The following USP4 variants were observed in gnomAD, a reference collection of about 807,000 sequenced individuals.
USP4 encodes the protein ubiquitin specific peptidase 4, also known as ubiquitin carboxyl-terminal hydrolase 4.
USP4 carries 72 observed loss-of-function variants against 118.2 expected under a neutral mutation model. That is an observed-to-expected ratio of 0.61 (90% CI 0.50 to 0.74). The LOEUF is 0.74. Ranked by LOEUF, USP4 falls within the 30% of genes least tolerant of loss-of-function variation. USP4 has a pLI of 0.00. For synonymous variants in USP4, 415 were observed against 440.4 expected (o/e 0.94, Z 0.72); for missense variants, 1,037 against 1,185.7 (o/e 0.87, Z 1.84).
Position 49,284,510 on chromosome 3 carries a change from G to T in USP4, c.2346C>A (p.Ile782=). The stretch of plus-strand genomic sequence containing the variant: ...GGGTCTCCATGGTGGTGAAGAGCTC[G>T]ATGCAGTCTCTCAGGGCCACTGTGG... ...KKTTVALRDC[I]ELFTTMETLG... The change falls in exon 18 of 22, where the codon ATC becomes ATA. Residue 782 remains isoleucine, a synonymous_variant. Coordinates refer to ENST00000265560, the MANE Select transcript of USP4 (RefSeq NM_003363.4). 6.2e-7 allele frequency: 1 copy of T among 1,614,156 alleles called. No homozygotes were observed. Among genetic ancestry groups the T allele is most frequent in the Non-Finnish European group, 8.5e-7 (1 of 1,180,034 alleles).
At chr3:49,339,806 A>T in intron 1 of USP4, 118 bp downstream of exon 1, 1 of 731,386 alleles carries the variant, frequency 1.4e-6, no homozygotes, top group Non-Finnish European at 2.2e-6. Context: ...GTGTCAGGCT[A>T]CTCTTCCAGG....
At chr3:49,337,961 G>A (rs1238723663) in intron 1 of USP4, among the ~76,000 whole-genome samples, 1 of 143,312 alleles carries the variant, frequency 7.0e-6, no homozygotes, top group African/African-American at 2.6e-5. Flanking sequence ...CAGGAGAATC[G>A]CTTGAACCCG....
At chr3:49,317,347 T>C in intron 6 of USP4, 2 of 1,235,452 alleles carry the variant, frequency 1.6e-6, no homozygotes. Flanking sequence ...CCGCTGTTTC[T>C]TGTCCTCCTC....
chr3:49,337,770 G>A (rs985552883), intron 1 of USP4, among the ~76,000 whole-genome samples: 2 of 151,446 alleles, frequency 1.3e-5, no homozygotes, highest in Admixed American at 1.3e-4. Context: ...TGTGCTGGCC[G>A]GGAGCGGTGG....
intron 2 of USP4, among the ~76,000 whole-genome samples, chr3:49,329,087 G>T (rs997815342): frequency 5.3e-5 from 8 of 151,596 alleles, no homozygotes; most frequent in Middle Eastern, 3.2e-3. Flanking sequence ...TGAGGCAGGA[G>T]AATTGTTTGA....
intron 13 of USP4, among the ~76,000 whole-genome samples, chr3:49,295,714 GCACA>G (rs1553624012): frequency 7.4e-5 from 11 of 148,320 alleles, no homozygotes; most frequent in Non-Finnish European, 1.6e-4. Flanking sequence ...GCGCGCGCGC[GCACA>G]CACACACACA....
chr3:49,329,479 C>A (rs1192101509), intron 2 of USP4, among the ~76,000 whole-genome samples: 1 of 152,164 alleles, frequency 6.6e-6, no homozygotes, highest in East Asian at 1.9e-4. Context: ...CAGCTCACTG[C>A]AGCTTCGACC....
At chr3:49,338,044 CAAAAAAAA>C (rs57186354) in intron 1 of USP4, among the ~76,000 whole-genome samples, 7 of 52,082 alleles carry the variant, frequency 1.3e-4, no homozygotes, top group Middle Eastern at 0.016. Flanking sequence ...GACTTCGTCT[CAAAAAAAA>C]AAAAAAAAAA....
At chr3:49,332,241 C>G (rs1331210882) in intron 2 of USP4, among the ~76,000 whole-genome samples, 4 of 152,020 alleles carry the variant, frequency 2.6e-5, no homozygotes, top group Non-Finnish European at 5.9e-5. Flanking sequence ...TGTGCCATTG[C>G]ACTTCAGCCT....
At chr3:49,288,179 C>T (rs2047119517) in intron 15 of USP4, among the ~76,000 whole-genome samples, 1 of 152,182 alleles carries the variant, frequency 6.6e-6, no homozygotes, top group Non-Finnish European at 1.5e-5. Flanking sequence ...AAGCCTGTCC[C>T]CCTCCTACAC....
chr3:49,323,054 G>A (rs547062156), intron 6 of USP4, among the ~76,000 whole-genome samples: 7 of 150,462 alleles, frequency 4.7e-5, no homozygotes, highest in African/African-American at 7.3e-5. Flanking sequence ...TGCAACCTCC[G>A]CCTCCCGGGT....
intron 9 of USP4, among the ~76,000 whole-genome samples, chr3:49,304,249 T>C (rs1480980136): frequency 1.3e-5 from 2 of 152,202 alleles, no homozygotes; most frequent in Non-Finnish European, 2.9e-5. Flanking sequence ...ATGTCTTTTC[T>C]TATCATATGC....
intron 16 of USP4, among the ~76,000 whole-genome samples, 176 bp downstream of exon 16, chr3:49,285,922 G>T (rs186245899): frequency 5.3e-5 from 8 of 152,240 alleles, no homozygotes; most frequent in Admixed American, 5.2e-4. Flanking sequence ...AAGCCTGAAA[G>T]GTAGGGGGAT....
intron 1 of USP4, among the ~76,000 whole-genome samples, chr3:49,339,174 G>A (rs568889825): frequency 1.1e-4 from 16 of 152,228 alleles, no homozygotes; most frequent in African/African-American, 3.9e-4. Context: ...AACAAGATGG[G>A]TAACAATCAT....
At chr3:49,332,444 C>A (rs950766130) in intron 2 of USP4, among the ~76,000 whole-genome samples, 1 of 150,938 alleles carries the variant, frequency 6.6e-6, no homozygotes, top group South Asian at 2.1e-4. Flanking sequence ...AGGGCAAGAC[C>A]CTGTCTCAAA....
intron 11 of USP4, among the ~76,000 whole-genome samples, chr3:49,299,077 CTTTCTTTTTTTTCTTT>C (rs1461389085): frequency 6.6e-6 from 1 of 151,496 alleles, no homozygotes; most frequent in African/African-American, 2.4e-5. Context: ...CCGGCCTCAA[CTTTCTTTTTTTTCTTT>C]TTTCTTTTTT....
chr3:49,319,271 C>CG (rs1675816513), intron 6 of USP4, among the ~76,000 whole-genome samples: 1 of 152,050 alleles, frequency 6.6e-6, no homozygotes, highest in Admixed American at 6.6e-5. Context: ...TTTTTTGAGA[C>CG]GGAGTCTTGC....
Position 49,327,728 on chromosome 3 carries a change from G to C in USP4, c.318C>G (p.Asn106Lys), listed in dbSNP as rs1302039748. 1 of 1,614,080 alleles carries C rather than the reference G, an allele frequency of 6.2e-7. No homozygotes were observed. Among genetic ancestry groups the C allele is most frequent in the South Asian group, 1.1e-5 (1 of 91,086 alleles). The change falls in exon 3 of 22, where the codon AAC becomes AAG. Residue 106 changes from asparagine (N) to lysine (K), a missense_variant. Asn to Lys is a moderately conservative substitution (Grantham distance 94, BLOSUM62 0). Coordinates refer to ENST00000265560, the MANE Select transcript of USP4 (RefSeq NM_003363.4). ...VPTEAWNKLLNWYGCVEGQQP... is the reference protein window; with the variant it reads ...VPTEAWNKLLKWYGCVEGQQP... ...GCTGGCCTTCTACACAGCCGTACCA[G>C]TTTAGTAGTTTATTCCACGCCTCGG...
intron 8 of USP4, among the ~76,000 whole-genome samples, chr3:49,310,274 T>C (rs1217940786): frequency 2.0e-5 from 3 of 152,196 alleles, no homozygotes; most frequent in African/African-American, 7.2e-5. Flanking sequence ...CAAAGCATAA[T>C]TGAGCTTGGC....
Sources: allele counts gnomAD v4.1 joint callset (sites outside exome capture counted in the v4.1 genomes callset), GRCh38; gene constraint gnomAD v4.1.1; transcripts MANE v1.5; gene names NCBI Gene and HGNC (gene_info 2026-07-23, HGNC 2026-07-21).